Variants in ESRRG observed in about 807,000 individuals in gnomAD.
ESRRG encodes the protein estrogen related receptor gamma.
In ESRRG, 13 loss-of-function variants were observed where a neutral mutation model predicts 44.0. That is an observed-to-expected ratio of 0.30 (90% CI 0.19 to 0.47). The LOEUF is 0.47. Among genes scored for constraint, ESRRG ranks in the 20% least tolerant of loss-of-function variants. The probability of loss-of-function intolerance (pLI) is 1.00; values close to 1 mark genes in which losing one functional copy is unlikely to be tolerated. For synonymous variants in ESRRG, 215 were observed against 214.6 expected (o/e 1.00, Z -0.02); for missense variants, 395 against 580.6 (o/e 0.68, Z 3.29).
chr1:217,134,214 G>A (rs1308357559), intron 1 of ESRRG, among the ~76,000 whole-genome samples: 2 of 152,076 alleles, frequency 1.3e-5, no homozygotes, highest in African/African-American at 2.4e-5. Flanking sequence ...GGGAACTTCG[G>A]GCGCACACAC....
At chr1:216,524,955 T>C (rs950839738) in intron 5 of ESRRG, among the ~76,000 whole-genome samples, 1 of 152,172 alleles carries the variant, frequency 6.6e-6, no homozygotes, top group Non-Finnish European at 1.5e-5. Context: ...ACAGGTGCAA[T>C]TGACCACTGA....
chr1:216,830,162 T>C (rs905432925), intron 2 of ESRRG, among the ~76,000 whole-genome samples: 3 of 152,198 alleles, frequency 2.0e-5, no homozygotes, highest in Non-Finnish European at 2.9e-5. Flanking sequence ...TACCAATTCA[T>C]GGGCAGATTA....
intron 2 of ESRRG, among the ~76,000 whole-genome samples, chr1:216,849,278 G>A (rs1577216506): frequency 6.6e-6 from 1 of 152,074 alleles, no homozygotes; most frequent in South Asian, 2.1e-4. Flanking sequence ...ACAATGCACT[G>A]TATCTTTCGT....
At chr1:216,835,728 C>T (rs1240985950) in intron 2 of ESRRG, among the ~76,000 whole-genome samples, 2 of 152,110 alleles carry the variant, frequency 1.3e-5, no homozygotes, top group East Asian at 1.9e-4. Flanking sequence ...AAGTGGGTGA[C>T]GACTTCCAGT....
At chr1:217,080,447 C>T (rs1171816718) in intron 1 of ESRRG, among the ~76,000 whole-genome samples, 1 of 152,080 alleles carries the variant, frequency 6.6e-6, no homozygotes, top group African/African-American at 2.4e-5. Flanking sequence ...ATATACATGT[C>T]AAAGTTCTTA....
upstream of ESRRG, among the ~76,000 whole-genome samples, chr1:216,728,173 C>A (rs1370949955): frequency 1.3e-5 from 2 of 152,106 alleles, no homozygotes; most frequent in African/African-American, 4.8e-5. Context: ...ATTTACAGAG[C>A]AATAGTTAAC....
chr1:216,561,614 A>G (rs771551584), intron 5 of ESRRG, among the ~76,000 whole-genome samples: 17 of 152,038 alleles, frequency 1.1e-4, no homozygotes, highest in Non-Finnish European at 1.9e-4. Context: ...CTACTGACCA[A>G]CCTCCTGAAC....
At chr1:216,702,608 C>A (rs201484936) in intron 1 of ESRRG, among the ~76,000 whole-genome samples, 323 of 132,090 alleles carry the variant, frequency 2.4e-3, no homozygotes, top group East Asian at 4.1e-3. Flanking sequence ...ACTAAAAATA[C>A]AAAAAAAAAA....
At chr1:216,915,239 T>A (rs909395608) in intron 2 of ESRRG, among the ~76,000 whole-genome samples, 4 of 152,114 alleles carry the variant, frequency 2.6e-5, no homozygotes, top group Non-Finnish European at 5.9e-5. Context: ...TGGGGCAACT[T>A]GAAGAAGACA....
chr1:216,624,569 A>G (rs911507536), intron 3 of ESRRG, among the ~76,000 whole-genome samples: 2 of 152,178 alleles, frequency 1.3e-5, no homozygotes, highest in Admixed American at 6.5e-5. Flanking sequence ...TCAATACCAC[A>G]TGGAAAATCA....
rs964029390 is a variant in ESRRG, at chr1:216,503,800, G to T, written c.*3139C>A. ...GATTGAAACACAAGTGTAACTACAA[G>T]GAGTCACACAATCATATTGCTTTAA... On this transcript the variant is annotated 3_prime_UTR_variant, in exon 7 of 7. Transcript: ENST00000408911. 3 of 152,538 alleles carry T rather than the reference G, an allele frequency of 2.0e-5. No individual in the cohort carries two copies. The highest frequency in any genetic ancestry group is 6.5e-5 in the Admixed American group (1 of 15,276). 9.4% of individuals were successfully genotyped at this position (152,538 alleles called of 1,614,324 possible).
intron 6 of ESRRG, among the ~76,000 whole-genome samples, chr1:216,514,140 T>G (rs1365435163): frequency 6.6e-6 from 1 of 152,114 alleles, no homozygotes; most frequent in Non-Finnish European, 1.5e-5. Context: ...AAAAGAAATA[T>G]TTAAGAGCCA....
chr1:216,507,255 A>G, intron 6 of ESRRG, 72 bp from the exon 7 acceptor site: 1 of 1,011,798 alleles, frequency 9.9e-7, no homozygotes, highest in East Asian at 2.6e-5. Flanking sequence ...GAGTTATAAA[A>G]TTAGTTATTA....
chr1:216,882,608 G>A (rs1377316129), intron 2 of ESRRG, among the ~76,000 whole-genome samples: 2 of 152,164 alleles, frequency 1.3e-5, no homozygotes, highest in Non-Finnish European at 2.9e-5. Flanking sequence ...ATATATTTGT[G>A]TAGTCAAGAG....
At chr1:216,682,741 T>TGTGTGTGTGTG (rs1553496190) in intron 1 of ESRRG, among the ~76,000 whole-genome samples, 3 of 151,092 alleles carry the variant, frequency 2.0e-5, no homozygotes, top group South Asian at 2.1e-4. Context: ...TGTGTGTGTG[T>TGTGTGTGTGTG]TTTATGCTTT....
At chr1:217,004,499 C>T (rs1232012235) in intron 1 of ESRRG, among the ~76,000 whole-genome samples, 3 of 152,106 alleles carry the variant, frequency 2.0e-5, no homozygotes, top group East Asian at 1.9e-4. Flanking sequence ...CCTCCCCAGC[C>T]GTGTAGTACT....
intron 3 of ESRRG, among the ~76,000 whole-genome samples, chr1:216,628,188 A>G (rs1465251657): frequency 6.6e-6 from 1 of 152,238 alleles, no homozygotes; most frequent in Non-Finnish European, 1.5e-5. Context: ...CTTCCAGTGT[A>G]CACTCAATGA....
At chr1:216,726,815 C>T (rs896145357), upstream of ESRRG, among the ~76,000 whole-genome samples, 1 of 152,242 alleles carries the variant, frequency 6.6e-6, no homozygotes, top group African/African-American at 2.4e-5. Context: ...CCAACTAATG[C>T]ACAGTCACCA....
At chr1:217,119,761 T>C (rs559408338) in intron 1 of ESRRG, among the ~76,000 whole-genome samples, 1 of 152,346 alleles carries the variant, frequency 6.6e-6, no homozygotes, top group African/African-American at 2.4e-5. Context: ...ACTTAAGGTT[T>C]AATTACATTT....
Sources: allele counts gnomAD v4.1 joint callset (sites outside exome capture counted in the v4.1 genomes callset), GRCh38; gene constraint gnomAD v4.1.1; transcripts MANE v1.5; gene names NCBI Gene and HGNC (gene_info 2026-07-23, HGNC 2026-07-21).